Variants in ZNHIT6 observed in about 807,000 individuals in gnomAD.
The protein encoded by ZNHIT6 is box C/D snoRNA protein 1.
In ZNHIT6, 45 loss-of-function variants were observed where a neutral mutation model predicts 57.2. The ratio of observed to expected loss-of-function variants is 0.79; its 90% CI spans 0.62 to 1.01. The LOEUF (loss-of-function observed/expected upper bound fraction) is 1.01, where lower values mean the gene tolerates loss of function less well. ZNHIT6 is among the 50% of genes least tolerant of loss of function. The pLI, the probability that ZNHIT6 is intolerant of heterozygous loss-of-function variation, is 0.00. For missense variants in ZNHIT6, 528 were observed against 567.3 expected (o/e 0.93, Z 0.70); for synonymous variants, 188 against 190.0 (o/e 0.99, Z 0.09).
rs2100636982 is a variant in ZNHIT6, at chr1:85,651,253, CAG to C, written c.*2803_*2804del. The C allele has an allele frequency of 6.6e-6, 1 of 150,616 alleles. No homozygotes were observed. The highest frequency in any genetic ancestry group is 2.1e-4 in the South Asian group (1 of 4,778). The allele number at this position is 150,616 out of a possible 1,614,324, so 9.3% of individuals were successfully genotyped here. The stretch of plus-strand genomic sequence containing the variant: ...TTAATAACTTTTTTTTTTTTTGAGG[CAG>C]AGTCTCATTCTGTCACCCAGGCAGT... On this transcript the variant is annotated 3_prime_UTR_variant, in exon 10 of 10. Transcript: ENST00000370574.
intron 5 of ZNHIT6, among the ~76,000 whole-genome samples, chr1:85,700,304 C>T (rs12758511): frequency 0.31 from 47,767 of 151,904 alleles, 8,024 homozygotes; most frequent in East Asian, 0.49. Context: ...ATTTTGCAGA[C>T]GGTAAAAGAC....
intron 8 of ZNHIT6, among the ~76,000 whole-genome samples, chr1:85,663,553 A>T (rs1661281622): frequency 6.6e-6 from 1 of 152,236 alleles, no homozygotes; most frequent in Admixed American, 6.5e-5. Context: ...ATGCACAGGT[A>T]GTCTGCTAGG....
chr1:85,699,976 T>G (rs1352506698), intron 5 of ZNHIT6, among the ~76,000 whole-genome samples: 2 of 152,182 alleles, frequency 1.3e-5, no homozygotes, highest in Non-Finnish European at 2.9e-5. Context: ...GGTGCATTTA[T>G]TCATAAAAAA....
rs1662690584 is a variant in ZNHIT6, at chr1:85,706,510, A to G, written c.657-3T>C. 6.5e-7 allele frequency: 1 copy of G among 1,548,666 alleles called. No individual in the cohort carries two copies. The highest frequency in any genetic ancestry group is 8.6e-7 in the Non-Finnish European group (1 of 1,157,148). On this transcript the variant is annotated splice_region_variant and splice_polypyrimidine_tract_variant and intron_variant, in intron 1 of 9. Transcript: ENST00000370574. ...CTTCTGTACCACAAGTCTCACACCT[A>G]CAAAAGCCCACATGTAACATTAAAT...
At chr1:85,662,237 C>T (rs1015323719) in intron 8 of ZNHIT6, among the ~76,000 whole-genome samples, 2 of 151,516 alleles carry the variant, frequency 1.3e-5, no homozygotes, top group Non-Finnish European at 1.5e-5. Context: ...TATGTCCCAT[C>T]TGATCACTGA....
Position 85,706,504 on chromosome 1 carries a change from A to T in ZNHIT6, c.660T>A (p.Cys220Ter), listed in dbSNP as rs562456446. Reference sequence around the variant, plus strand: ...TTGCTTCTTCTGTACCACAAGTCTCACACCTACAAAAGCCCACATGTAACA... The same window carrying T: ...TTGCTTCTTCTGTACCACAAGTCTCTCACCTACAAAAGCCCACATGTAACA... ...GCKRKLAMSR[C>*]ETCGTEEAKY... is the part of the protein sequence containing the mutation. Residue 220 changes from cysteine to a stop codon, truncating the protein, a stop_gained, in exon 2 of 10, where the codon TGT becomes TGA. Transcript: ENST00000370574. LOFTEE classifies it high-confidence loss of function. The T allele has an allele frequency of 6.4e-7, 1 of 1,557,618 alleles. No homozygotes were observed.
intron 5 of ZNHIT6, among the ~76,000 whole-genome samples, chr1:85,701,111 C>A (rs1189188492): frequency 1.3e-5 from 2 of 152,168 alleles, no homozygotes; most frequent in African/African-American, 4.8e-5. Flanking sequence ...ACCATTTTTA[C>A]AAATGTTTAT....
At chr1:85,700,487 C>A (rs2100716564) in intron 5 of ZNHIT6, among the ~76,000 whole-genome samples, 1 of 151,850 alleles carries the variant, frequency 6.6e-6, no homozygotes, top group South Asian at 2.1e-4. Context: ...TCAAAACAAC[C>A]AAAAATATAT....
At chr1:85,701,332 C>T (rs1003020210) in intron 5 of ZNHIT6, among the ~76,000 whole-genome samples, 24 of 152,210 alleles carry the variant, frequency 1.6e-4, no homozygotes, top group African/African-American at 5.1e-4. Context: ...TTGTTCAAGG[C>T]CCCACAGTTA....
chr1:85,667,506 G>C (rs189103939), intron 8 of ZNHIT6, among the ~76,000 whole-genome samples: 1 of 151,808 alleles, frequency 6.6e-6, no homozygotes, highest in Admixed American at 6.6e-5. Flanking sequence ...AGTTTAAGTA[G>C]ATGCAAAGAA....
chr1:85,653,373 T>C lies in ZNHIT6; in HGVS notation c.*685A>G, dbSNP rs1660965950. Reference sequence around the variant, plus strand: ...TCTCCTGTGGCTAGACGGTGCGTTGTACAGCCTTTCCGTTTAGTGAGGTTC... The same window carrying C: ...TCTCCTGTGGCTAGACGGTGCGTTGCACAGCCTTTCCGTTTAGTGAGGTTC... On this transcript the variant is annotated 3_prime_UTR_variant, in exon 10 of 10. Transcript: ENST00000370574. 1 of 152,210 alleles carries C rather than the reference T, an allele frequency of 6.6e-6. No individual in the cohort carries two copies. Among genetic ancestry groups the C allele is most frequent in the South Asian group, 2.1e-4 (1 of 4,830 alleles). The allele number at this position is 152,210 out of a possible 1,614,324, so 9.4% of individuals were successfully genotyped here. A position where few individuals can be genotyped will look rare whatever the true frequency, so the allele number is the denominator to read the frequency against.
Position 85,696,858 on chromosome 1 carries a change from T to G in ZNHIT6, c.1019+5299A>C, listed in dbSNP as rs572573593. 3.8e-4 allele frequency among the ~76,000 whole-genome samples: 55 copies of G among 146,636 alleles called. 1 individual carries two copies. The highest frequency in any genetic ancestry group is 1.4e-3 in the African/African-American group (55 of 39,468). ...CTTTCTATGACCATCTATTCTTTTT[T>G]TTTTTTTTTTTGGAGACAGAGTCTG... On this transcript the variant is annotated intron_variant, in intron 5 of 9. Transcript: ENST00000370574.
chr1:85,698,335 T>A (rs1662434930), intron 5 of ZNHIT6, among the ~76,000 whole-genome samples: 1 of 152,158 alleles, frequency 6.6e-6, no homozygotes, highest in African/African-American at 2.4e-5. Flanking sequence ...TGAAAATGCC[T>A]GCCATAAAGG....
intron 5 of ZNHIT6, among the ~76,000 whole-genome samples, chr1:85,687,998 G>A (rs1438747632): frequency 6.6e-6 from 1 of 150,550 alleles, no homozygotes; most frequent in Admixed American, 6.6e-5. Context: ...AGCCGAGATC[G>A]TGCCATTGCA....
Position 85,680,818 on chromosome 1 carries a change from G to A in ZNHIT6, c.1088+18C>T, listed in dbSNP as rs1276771332. On this transcript the variant is annotated intron_variant, in intron 6 of 9. Transcript: ENST00000370574. ...TTCAAATTAAAACAAATCAGTGATT[G>A]AAAGATAGCAGTGATACCTTTTTTC... 2 of 1,590,038 alleles carry A rather than the reference G, an allele frequency of 1.3e-6. No individual in the cohort carries two copies. The highest frequency in any genetic ancestry group is 4.5e-5 in the East Asian group (2 of 44,624).
chr1:85,655,163 T>C (rs932723111), intron 9 of ZNHIT6, among the ~76,000 whole-genome samples: 5 of 152,172 alleles, frequency 3.3e-5, no homozygotes, highest in Non-Finnish European at 7.3e-5. Context: ...AGTGCCTCCA[T>C]GATATTAAAA....
At chr1:85,661,158 A>G (rs1227574758) in intron 8 of ZNHIT6, among the ~76,000 whole-genome samples, 1 of 152,234 alleles carries the variant, frequency 6.6e-6, no homozygotes, top group East Asian at 1.9e-4. Context: ...AGCCTATCAG[A>G]CACATATGGG....
chr1:85,702,889 C>T (rs1039139201), intron 4 of ZNHIT6, among the ~76,000 whole-genome samples: 1 of 152,080 alleles, frequency 6.6e-6, no homozygotes, highest in African/African-American at 2.4e-5. Context: ...GGAAGTAATA[C>T]CAGATTTTTA....
chr1:85,668,232 A>G (rs1275900308), intron 8 of ZNHIT6, among the ~76,000 whole-genome samples: 1 of 152,006 alleles, frequency 6.6e-6, no homozygotes, highest in East Asian at 1.9e-4. Flanking sequence ...TTACAAACAA[A>G]TTAAGTTATT....
Sources: allele counts gnomAD v4.1 joint callset (sites outside exome capture counted in the v4.1 genomes callset), GRCh38; gene constraint gnomAD v4.1.1; transcripts MANE v1.5; gene names NCBI Gene and HGNC (gene_info 2026-07-23, HGNC 2026-07-21).